The following CCDC148 variants were observed in gnomAD, a reference collection of about 807,000 sequenced individuals.
CCDC148 encodes coiled-coil domain containing 148.
Under a neutral mutation model 85.7 loss-of-function variants are expected in CCDC148, and 89 were observed. That is an observed-to-expected ratio of 1.04 (90% CI 0.87 to 1.24). The LOEUF is 1.24. CCDC148 is among the 50% of genes most tolerant of loss of function. The pLI, the probability that CCDC148 is intolerant of heterozygous loss-of-function variation, is 0.00. For synonymous variants in CCDC148, 230 were observed against 213.9 expected, an observed-to-expected ratio of 1.08 and a Z score of -0.66; for missense variants, 692 against 671.7, an observed-to-expected ratio of 1.03 and a Z score of -0.33.
intron 11 of CCDC148, among the ~76,000 whole-genome samples, chr2:158,196,441 C>T (rs904390403): frequency 6.6e-6 from 1 of 152,056 alleles, no homozygotes; most frequent in Non-Finnish European, 1.5e-5. Flanking sequence ...CCCTCTTCTC[C>T]TCCCCCCAGC....
chr2:158,358,410 T>G, intron 2 of CCDC148, 39 bp downstream of exon 2: 2 of 1,583,260 alleles, frequency 1.3e-6, no homozygotes, highest in Non-Finnish European at 1.7e-6. Flanking sequence ...AATTCGATTT[T>G]CTAAAACTAG....
intron 10 of CCDC148, among the ~76,000 whole-genome samples, chr2:158,245,057 C>T (rs1229449241): frequency 6.6e-6 from 1 of 152,114 alleles, no homozygotes; most frequent in Non-Finnish European, 1.5e-5. Context: ...CTACAAATTC[C>T]CACACTGGGA....
chr2:158,291,737 G>A (rs1377224336), intron 9 of CCDC148, among the ~76,000 whole-genome samples: 1 of 152,158 alleles, frequency 6.6e-6, no homozygotes, highest in East Asian at 1.9e-4. Flanking sequence ...AGATCCCTGA[G>A]GATGAATTAC....
chr2:158,299,508 T>C (rs13003505), intron 9 of CCDC148, among the ~76,000 whole-genome samples: 61,622 of 152,080 alleles, frequency 0.41, 13,168 homozygotes, highest in South Asian at 0.61. Flanking sequence ...CCACCTCATA[T>C]TGAAAGATGA....
chr2:158,234,636 A>G (rs35432923), intron 10 of CCDC148, among the ~76,000 whole-genome samples: 30,068 of 152,124 alleles, frequency 0.2, 3,822 homozygotes, highest in Middle Eastern at 0.3. Flanking sequence ...AATTGGAAAC[A>G]ATGTAATGAT....
At chr2:158,435,997 A>G (rs1346369788) in intron 1 of CCDC148, among the ~76,000 whole-genome samples, 1 of 152,194 alleles carries the variant, frequency 6.6e-6, no homozygotes, top group Admixed American at 6.5e-5. Flanking sequence ...GAGACCTACA[A>G]AGAGACTTAG....
intron 9 of CCDC148, among the ~76,000 whole-genome samples, chr2:158,265,353 T>G (rs1271765532): frequency 6.6e-6 from 1 of 151,984 alleles, no homozygotes; most frequent in Non-Finnish European, 1.5e-5. Flanking sequence ...ATGTCTTGGG[T>G]TTTTGTTTTT....
At chr2:158,445,835 G>A (rs1688135652) in intron 1 of CCDC148, among the ~76,000 whole-genome samples, 1 of 152,044 alleles carries the variant, frequency 6.6e-6, no homozygotes, top group East Asian at 1.9e-4. Context: ...GACATATGTA[G>A]TATAGACAAT....
intron 1 of CCDC148, among the ~76,000 whole-genome samples, chr2:158,386,993 G>A (rs978984639): frequency 6.6e-6 from 1 of 152,064 alleles, no homozygotes; most frequent in Non-Finnish European, 1.5e-5. Context: ...TCTTTGCAGG[G>A]ACAAAAATGG....
At chr2:158,218,617 T>A (rs1398359254) in intron 11 of CCDC148, among the ~76,000 whole-genome samples, 1 of 152,212 alleles carries the variant, frequency 6.6e-6, no homozygotes, top group Non-Finnish European at 1.5e-5. Context: ...ATCTGTTCTG[T>A]TTTCCCCATT....
At chr2:158,381,644 GAATGGT>G in intron 1 of CCDC148, among the ~76,000 whole-genome samples, 1 of 152,080 alleles carries the variant, frequency 6.6e-6, no homozygotes, top group African/African-American at 2.4e-5. Flanking sequence ...ACATATATAA[GAATGGT>G]CATAGCAGCG....
At chr2:158,217,503 C>A (rs989688219) in intron 11 of CCDC148, among the ~76,000 whole-genome samples, 3 of 151,606 alleles carry the variant, frequency 2.0e-5, no homozygotes, top group African/African-American at 7.3e-5. Context: ...CCTGGGTTCA[C>A]GCCATTCTCC....
At chr2:158,370,116 T>G (rs1684377096) in intron 1 of CCDC148, among the ~76,000 whole-genome samples, 1 of 152,062 alleles carries the variant, frequency 6.6e-6, no homozygotes, top group Non-Finnish European at 1.5e-5. Context: ...GATACTGGCC[T>G]GAGGTTGGCC....
At chr2:158,223,564 ACC>A (rs933348950) in intron 10 of CCDC148, among the ~76,000 whole-genome samples, 27 of 152,064 alleles carry the variant, frequency 1.8e-4, no homozygotes, top group African/African-American at 4.3e-4. Flanking sequence ...ACTGGGAGGC[ACC>A]CCCCAGTAGG....
At chr2:158,374,680 CAT>C (rs985633449) in intron 1 of CCDC148, among the ~76,000 whole-genome samples, 17 of 133,116 alleles carry the variant, frequency 1.3e-4, no homozygotes, top group African/African-American at 4.6e-4. Context: ...TATATATATA[CAT>C]ATATATGTGT....
rs564563210 is a variant in CCDC148, at chr2:158,354,875, C to T, written c.147+3574G>A. On this transcript the variant is annotated intron_variant, in intron 2 of 13. Transcript: ENST00000283233. Reference sequence around the variant, plus strand: ...TCCAGCAGCACATCAAAAAGCTTATCCACCATGATCAAGTGGGCATCATCC... The same window carrying T: ...TCCAGCAGCACATCAAAAAGCTTATTCACCATGATCAAGTGGGCATCATCC... 2.3e-3 allele frequency among the ~76,000 whole-genome samples: 350 copies of T among 151,664 alleles called. 1 individual carries two copies. Among genetic ancestry groups the T allele is most frequent in the African/African-American group, 8.0e-3 (330 of 41,402 alleles).
intron 1 of CCDC148, among the ~76,000 whole-genome samples, chr2:158,376,837 T>C (rs768955507): frequency 3.9e-5 from 6 of 152,056 alleles, no homozygotes; most frequent in Non-Finnish European, 7.4e-5. Context: ...TTAGCTGCAC[T>C]GAAGTGGGTA....
intron 1 of CCDC148, among the ~76,000 whole-genome samples, chr2:158,368,903 CTG>C (rs1340217647): frequency 6.6e-6 from 1 of 151,732 alleles, no homozygotes; most frequent in Admixed American, 6.6e-5. Flanking sequence ...TTTTTTAACA[CTG>C]TTAATATTCT....
At chr2:158,355,938 T>A (rs1683608674) in intron 2 of CCDC148, among the ~76,000 whole-genome samples, 1 of 133,744 alleles carries the variant, frequency 7.5e-6, no homozygotes, top group Non-Finnish European at 1.5e-5. Context: ...TATCTACAAC[T>A]ATCTGATCTT....
Sources: gnomAD v4.1 joint callset for allele counts (sites outside exome capture counted in the v4.1 genomes callset) on GRCh38, gnomAD v4.1.1 for gene constraint, MANE v1.5 for transcripts, NCBI Gene and HGNC (gene_info 2026-07-23, HGNC 2026-07-21) for gene names.